CCDC180: variants seen among roughly 807,000 people sequenced by gnomAD.
CCDC180 encodes coiled-coil domain containing 180, also known as coiled-coil domain-containing protein 180.
A neutral mutation model predicts 209.2 loss-of-function variants in CCDC180; 154 were observed. The observed-to-expected ratio is 0.74, with a 90% confidence interval of 0.65 to 0.84. CCDC180 has a LOEUF of 0.84. Among genes scored for constraint, CCDC180 ranks in the 40% least tolerant of loss-of-function variants. The pLI is 0.00. For synonymous variants in CCDC180, 778 were observed against 749.1 expected (o/e 1.04, Z -0.63); for missense variants, 1,874 against 1,997.3 (o/e 0.94, Z 1.18).
intron 10 of CCDC180, among the ~76,000 whole-genome samples, chr9:97,319,824 A>G (rs1564149594): frequency 1.3e-5 from 2 of 152,328 alleles, no homozygotes; most frequent in East Asian, 3.9e-4. Flanking sequence ...CTATAATGCC[A>G]TCTCAGATTA....
rs770904312 is a variant in CCDC180 at position 97,376,644 on chromosome 9, C to T, written c.4843-119C>T. ...TCTACCTGAGAAGTGACTTGGAGAACTCTTGCCAGTGCCTGGAATGGGTTA... is the reference window on the plus strand; with the variant it reads ...TCTACCTGAGAAGTGACTTGGAGAATTCTTGCCAGTGCCTGGAATGGGTTA... On this transcript the variant is annotated intron_variant, in intron 36 of 36. Transcript: ENST00000529487. 1.3e-5 allele frequency: 14 copies of T among 1,041,206 alleles called. No homozygotes were observed. In the Admixed American group the frequency reaches 3.1e-4, roughly 23 times the overall value. 64.5% of individuals were successfully genotyped at this position (1,041,206 alleles called of 1,614,324 possible). A position where few individuals can be genotyped will look rare whatever the true frequency, so the allele number is the denominator to read the frequency against.
Position 97,309,411 on chromosome 9 carries a change from C to T in CCDC180, c.70-3C>T. ...CCCCATCCTTGGTCCTCCCTGGATT[C>T]AGGTGCAGCTGGTCCACTCCCTGGC... is the stretch of plus-strand genomic sequence containing the variant. On this transcript the variant is annotated splice_region_variant and splice_polypyrimidine_tract_variant and intron_variant, in intron 2 of 36. Coordinates refer to ENST00000529487, the MANE Select transcript of CCDC180 (RefSeq NM_020893.6). 1 of 1,597,234 alleles carries T rather than the reference C, an allele frequency of 6.3e-7. No individual in the cohort carries two copies. The highest frequency in any genetic ancestry group is 1.4e-5 in the African/African-American group (1 of 73,932).
At chr9:97,331,930 T>A (rs1825765663) in intron 18 of CCDC180, among the ~76,000 whole-genome samples, 1 of 152,246 alleles carries the variant, frequency 6.6e-6, no homozygotes, top group South Asian at 2.1e-4. Flanking sequence ...TGTTTGTTTT[T>A]GTCGCAATTG....
chr9:97,360,159 G>C (rs1263739866), intron 26 of CCDC180, 58 bp downstream of exon 26: 12 of 1,595,384 alleles, frequency 7.5e-6, no homozygotes, highest in Non-Finnish European at 1.0e-5. Flanking sequence ...TGGGCTCCCA[G>C]GAGACCTGCA....
chr9:97,309,473 C>A lies in CCDC180; in HGVS notation c.129C>A (p.Thr43=). 6.2e-7 allele frequency: 1 copy of A among 1,607,046 alleles called. No homozygotes were observed. The highest frequency in any genetic ancestry group is 2.3e-5 in the East Asian group (1 of 44,206). The stretch of plus-strand genomic sequence containing the variant: ...AGCGGGCTGCAGAGCGTTCTGTGAC[C>A]CTGAAGAGTGGCAGGATACCCATGA... ...TRKRAAERSV[T]LKSGRIPMMK... Residue 43 remains threonine, a synonymous_variant, in exon 3 of 37, where the codon ACC becomes ACA. Coordinates refer to ENST00000529487, the MANE Select transcript of CCDC180 (RefSeq NM_020893.6).
chr9:97,333,902 C>T (rs952922587), intron 18 of CCDC180, among the ~76,000 whole-genome samples: 23 of 151,718 alleles, frequency 1.5e-4, no homozygotes, highest in African/African-American at 4.8e-4. Context: ...CTCACTGCAA[C>T]CTCTGCCTCC....
chr9:97,375,092 A>T (rs758226447), intron 35 of CCDC180, among the ~76,000 whole-genome samples: 2 of 152,188 alleles, frequency 1.3e-5, no homozygotes, highest in African/African-American at 2.4e-5. Flanking sequence ...TTGCCCAGCT[A>T]TGTTCTCAGA....
chr9:97,372,783 G>T (rs1319691320), intron 34 of CCDC180: 1 of 152,232 alleles, frequency 6.6e-6, no homozygotes, highest in Non-Finnish European at 1.5e-5. Context: ...GGGTGCTGAG[G>T]TGGGAGGATT....
chr9:97,326,350 C>T (rs1833533894), intron 14 of CCDC180, among the ~76,000 whole-genome samples: 1 of 152,192 alleles, frequency 6.6e-6, no homozygotes, highest in Non-Finnish European at 1.5e-5. Flanking sequence ...GGGAAGAACA[C>T]TGCAGGCAGA....
Position 97,313,617 on chromosome 9 carries a change from G to A in CCDC180, c.459+272G>A, listed in dbSNP as rs187906237. On this transcript the variant is annotated intron_variant, in intron 5 of 36. Coordinates refer to ENST00000529487, the MANE Select transcript of CCDC180 (RefSeq NM_020893.6). ...CCCAGAGAGTCTCACCTGACTTGGT[G>A]CATAAGGGCCCAAGTCAGAACTTCC... Among the ~76,000 whole-genome samples the A allele has an allele frequency of 1.1e-3, 161 of 152,312 alleles. 1 individual carries two copies. Among genetic ancestry groups the A allele is most frequent in the South Asian group, 7.0e-3 (34 of 4,828 alleles).
At position 97,330,653 on chromosome 9, in the gene CCDC180, G is replaced by C; in HGVS notation, c.2160G>C (p.Lys720Asn). Residue 720 changes from lysine to asparagine, a missense_variant, in exon 18 of 37, where the codon AAG (lysine) becomes AAC (asparagine). Lys to Asn is a moderately conservative substitution (Grantham distance 94). Coordinates refer to ENST00000529487, the MANE Select transcript of CCDC180 (RefSeq NM_020893.6). ...EENVKGQGEK[K>N]EESEEEDEKE... ...ATGTGAAGGGTCAAGGAGAAAAGAA[G>C]GAGGAGTCAGAGGAGGAAGATGAGA... is the stretch of plus-strand genomic sequence containing the variant. 3 of 1,610,658 alleles carry C rather than the reference G, an allele frequency of 1.9e-6. No individual in the cohort carries two copies. The highest frequency in any genetic ancestry group is 2.5e-6 in the Non-Finnish European group (3 of 1,179,042).
At chr9:97,359,610 C>T (rs1826691208) in intron 25 of CCDC180, among the ~76,000 whole-genome samples, 4 of 152,124 alleles carry the variant, frequency 2.6e-5, no homozygotes. Context: ...CAAATGTTTC[C>T]TTCTAAACAT....
intron 10 of CCDC180, 103 bp downstream of exon 10, chr9:97,318,685 C>T: frequency 6.8e-7 from 1 of 1,463,084 alleles, no homozygotes; most frequent in African/African-American, 1.4e-5. Flanking sequence ...TCAGACTAAG[C>T]AGACCAACTC....
chr9:97,343,205 A>G, intron 18 of CCDC180, 135 bp from the exon 19 acceptor site: 2 of 574,500 alleles, frequency 3.5e-6, no homozygotes, highest in South Asian at 4.9e-5. Flanking sequence ...GGGGGCGAAA[A>G]AACCTAGGCA....
chr9:97,363,567 T>C, intron 28 of CCDC180: 1 of 531,278 alleles, frequency 1.9e-6, no homozygotes, highest in Middle Eastern at 3.2e-4. Flanking sequence ...CCATCTACAC[T>C]GGAATTTCAG....
intron 13 of CCDC180, 91 bp downstream of exon 13, chr9:97,323,994 A>G (rs764269889): frequency 3.3e-5 from 47 of 1,440,688 alleles, no homozygotes; most frequent in Non-Finnish European, 4.3e-5. Flanking sequence ...AAGAACTCCA[A>G]CTTGCATGTT....
Position 97,343,530 on chromosome 9 carries a change from T to C in CCDC180, c.2465T>C (p.Ile822Thr), listed in dbSNP as rs776526056. Residue 822 changes from isoleucine (I) to threonine (T), a missense_variant, in exon 19 of 37, where the codon ATT becomes ACT. Transcript: ENST00000529487. ...SSAKFIEQVT[I>T]PSRLILEIKK... ...GCCAAGTTCATAGAACAAGTGACAA[T>C]TCCATCGAGACTAATTTTAGAAATT... 4 of 1,613,572 alleles carry C rather than the reference T, an allele frequency of 2.5e-6. No individual in the cohort carries two copies. In the African/African-American group the frequency reaches 5.3e-5, roughly 22 times the overall value.
chr9:97,358,849 A>G (rs1826667515), intron 25 of CCDC180, among the ~76,000 whole-genome samples: 1 of 151,978 alleles, frequency 6.6e-6, no homozygotes, highest in African/African-American at 2.4e-5. Context: ...TTTCTCTACC[A>G]TTTCAGTGAC....
intron 11 of CCDC180, 152 bp from the exon 12 acceptor site, chr9:97,322,681 G>C (rs932373529): frequency 1.6e-6 from 1 of 644,112 alleles, no homozygotes; most frequent in Non-Finnish European, 2.8e-6. Context: ...ACTTTGTAAG[G>C]GGACCCCAGC....
Sources: allele counts gnomAD v4.1 joint callset (sites outside exome capture counted in the v4.1 genomes callset), GRCh38; gene constraint gnomAD v4.1.1; transcripts MANE v1.5; gene names NCBI Gene and HGNC (gene_info 2026-07-23, HGNC 2026-07-21).